SEMA5A: variants seen among roughly 807,000 people sequenced by gnomAD.
SEMA5A encodes the protein semaphorin 5A.
SEMA5A carries 55 observed loss-of-function variants against 135.5 expected under a neutral mutation model. The observed-to-expected ratio is 0.41, with a 90% CI of 0.33 to 0.51. The LOEUF (loss-of-function observed/expected upper bound fraction) is 0.51. SEMA5A is among the 20% of genes least tolerant of loss of function. The pLI, the probability that SEMA5A is intolerant of heterozygous loss-of-function variation, is 0.37. For synonymous variants in SEMA5A, 580 were observed against 546.5 expected, an observed-to-expected ratio of 1.06 and a Z score of -0.85; for missense variants, 1,290 against 1,419.9, an observed-to-expected ratio of 0.91 and a Z score of 1.47.
chr5:9,140,514 AC>A (rs1289693673), intron 12 of SEMA5A, among the ~76,000 whole-genome samples: 9 of 152,282 alleles, frequency 5.9e-5, no homozygotes, highest in African/African-American at 2.2e-4. Context: ...CATGAGACAG[AC>A]CCGGGTGGGG....
intron 5 of SEMA5A, among the ~76,000 whole-genome samples, chr5:9,306,179 C>T (rs10075714): frequency 4.6e-4 from 70 of 152,272 alleles, no homozygotes; most frequent in African/African-American, 1.6e-3. Context: ...TGAGTTGATA[C>T]CTTTCATCAC....
At chr5:9,059,285 T>C (rs1399849374) in intron 18 of SEMA5A, among the ~76,000 whole-genome samples, 1 of 152,172 alleles carries the variant, frequency 6.6e-6, no homozygotes, top group Non-Finnish European at 1.5e-5. Flanking sequence ...TGTACCTTTG[T>C]AGGTCAAAGT....
At chr5:9,264,026 A>G (rs894476005) in intron 5 of SEMA5A, among the ~76,000 whole-genome samples, 1 of 152,210 alleles carries the variant, frequency 6.6e-6, no homozygotes. Flanking sequence ...AAACTCACAT[A>G]TATGGTCACT....
chr5:9,516,902 C>G (rs1290036044), intron 1 of SEMA5A: 2 of 152,216 alleles, frequency 1.3e-5, no homozygotes, highest in African/African-American at 4.8e-5. Flanking sequence ...TTATTTACAT[C>G]CTATCCCAAT....
intron 4 of SEMA5A, among the ~76,000 whole-genome samples, chr5:9,323,818 C>T (rs972539692): frequency 4.0e-5 from 6 of 151,810 alleles, no homozygotes; most frequent in East Asian, 1.9e-4. Context: ...CATGCCACCA[C>T]GCCTGACTAA....
At chr5:9,224,569 G>A in intron 8 of SEMA5A, 105 bp downstream of exon 8, 2 of 978,486 alleles carry the variant, frequency 2.0e-6, no homozygotes, top group South Asian at 3.0e-5. Flanking sequence ...TTTAGAAGAT[G>A]AAGAATTCAT....
chr5:9,162,242 T>C (rs867656598), intron 11 of SEMA5A, among the ~76,000 whole-genome samples: 3 of 152,092 alleles, frequency 2.0e-5, no homozygotes, highest in South Asian at 2.1e-4. Context: ...GCGGCCAACA[T>C]GATTTTCCAT....
chr5:9,450,052 C>CA (rs1348554231), intron 1 of SEMA5A, among the ~76,000 whole-genome samples: 1 of 152,182 alleles, frequency 6.6e-6, no homozygotes, highest in East Asian at 1.9e-4. Flanking sequence ...CAACTTTGCA[C>CA]AGACTTCCCT....
intron 11 of SEMA5A, among the ~76,000 whole-genome samples, chr5:9,169,492 A>G (rs1173330387): frequency 6.6e-6 from 1 of 152,208 alleles, no homozygotes; most frequent in African/African-American, 2.4e-5. Context: ...ACCCTTGTTT[A>G]GTACTTACTA....
intron 1 of SEMA5A, among the ~76,000 whole-genome samples, chr5:9,450,705 A>C (rs943573422): frequency 1.3e-5 from 2 of 152,124 alleles, no homozygotes; most frequent in African/African-American, 4.8e-5. Flanking sequence ...TAGAAAACAC[A>C]TATGTGCTCT....
rs1246432943 is a variant in SEMA5A at position 9,166,907 on chromosome 5, A to G, written c.1274-12212T>C. Among the ~76,000 whole-genome samples the G allele has an allele frequency of 2.0e-5, 3 of 152,320 alleles. No individual in the cohort carries two copies. The East Asian group carries it at 5.8e-4, about 29-fold the overall frequency. ...AGATTTATTGTATCTAAATTACAAA[A>G]CAACCACCCAGTTGGTAAGGTTGGC... On this transcript the variant is annotated intron_variant, in intron 11 of 22. Transcript: ENST00000382496.
At chr5:9,404,710 AG>A (rs1756807612) in intron 2 of SEMA5A, among the ~76,000 whole-genome samples, 1 of 152,216 alleles carries the variant, frequency 6.6e-6, no homozygotes, top group African/African-American at 2.4e-5. Context: ...CCCCTTGTTA[AG>A]GGTAAAAACT....
At chr5:9,174,117 C>T (rs1308941815) in intron 11 of SEMA5A, among the ~76,000 whole-genome samples, 3 of 152,338 alleles carry the variant, frequency 2.0e-5, no homozygotes, top group South Asian at 4.1e-4. Flanking sequence ...CTGCAAGTGA[C>T]AAATACTGTT....
intron 12 of SEMA5A, among the ~76,000 whole-genome samples, chr5:9,154,156 T>C (rs1335878633): frequency 6.7e-6 from 1 of 148,268 alleles, no homozygotes; most frequent in African/African-American, 2.5e-5. Context: ...TATACATATA[T>C]ATAAGCTTGT....
intron 1 of SEMA5A, among the ~76,000 whole-genome samples, chr5:9,454,860 C>T (rs563139926): frequency 2.6e-5 from 4 of 152,316 alleles, no homozygotes; most frequent in African/African-American, 9.6e-5. Context: ...TCCATTTCTA[C>T]ATTGTCAGTT....
intron 5 of SEMA5A, among the ~76,000 whole-genome samples, chr5:9,256,003 C>T (rs1749050170): frequency 6.6e-6 from 1 of 152,150 alleles, no homozygotes; most frequent in South Asian, 2.1e-4. Context: ...TCACTGCCAA[C>T]ATCCAATCCA....
At chr5:9,149,682 C>T (rs576016612) in intron 12 of SEMA5A, among the ~76,000 whole-genome samples, 16 of 152,226 alleles carry the variant, frequency 1.1e-4, no homozygotes, top group East Asian at 1.9e-4. Flanking sequence ...TCCAAATCAG[C>T]GGCCCTCCCA....
intron 12 of SEMA5A, among the ~76,000 whole-genome samples, chr5:9,153,435 C>T (rs746252244): frequency 2.0e-5 from 3 of 152,166 alleles, no homozygotes; most frequent in Non-Finnish European, 2.9e-5. Context: ...AAACTTTAAA[C>T]ACAACTGTGG....
intron 1 of SEMA5A, among the ~76,000 whole-genome samples, chr5:9,461,206 C>T (rs1242964922): frequency 6.6e-6 from 1 of 152,156 alleles, no homozygotes; most frequent in Non-Finnish European, 1.5e-5. Flanking sequence ...ACTATTGTGG[C>T]AAAGCAGGAA....
Sources: allele counts gnomAD v4.1 joint callset (sites outside exome capture counted in the v4.1 genomes callset), GRCh38; gene constraint gnomAD v4.1.1; transcripts MANE v1.5; gene names NCBI Gene and HGNC (gene_info 2026-07-23, HGNC 2026-07-21).